Variants in AUTS2 observed in about 807,000 individuals in gnomAD.
AUTS2 encodes autism susceptibility gene 2 protein.
In AUTS2, 17 loss-of-function variants were observed where a neutral mutation model predicts 112.4. The ratio of observed to expected loss-of-function variants is 0.15; its 90% CI spans 0.10 to 0.23. The LOEUF is 0.23. Ranked by LOEUF, AUTS2 falls within the 10% of genes least tolerant of loss-of-function variation. The probability of loss-of-function intolerance (pLI) is 1.00; values close to 1 mark genes in which losing one functional copy is unlikely to be tolerated. For synonymous variants in AUTS2, 751 were observed against 702.7 expected, an observed-to-expected ratio of 1.07 and a Z score of -1.09; for missense variants, 1,510 against 1,701.6, an observed-to-expected ratio of 0.89 and a Z score of 1.98.
At chr7:69,749,527 A>G (rs577484341) in intron 1 of AUTS2, among the ~76,000 whole-genome samples, 2 of 152,190 alleles carry the variant, frequency 1.3e-5, no homozygotes, top group Admixed American at 1.3e-4. Flanking sequence ...CATGTGATTG[A>G]AATTCTTTGA....
At position 69,765,206 on chromosome 7, in the gene AUTS2, T is replaced by C. The variant is rs146540532; in HGVS notation, c.310-134080T>C. On this transcript the variant is annotated intron_variant, in intron 1 of 18. Transcript: ENST00000342771. ...CAACATAATTATTCCACTTCTTCTT[T>C]GGCACATAGCTCATGTTCTACTTAA... Among the ~76,000 whole-genome samples, 1,274 of 152,340 alleles carry C rather than the reference T, an allele frequency of 8.4e-3. 14 individuals are homozygous for C. Among genetic ancestry groups the C allele is most frequent in the Non-Finnish European group, 0.012 (799 of 68,032 alleles).
intron 4 of AUTS2, among the ~76,000 whole-genome samples, chr7:70,395,405 G>A (rs1419563527): frequency 3.9e-5 from 6 of 152,150 alleles, no homozygotes; most frequent in Admixed American, 3.3e-4. Flanking sequence ...ACCCAAATGT[G>A]TTTGTCTTCA....
intron 4 of AUTS2, among the ~76,000 whole-genome samples, chr7:70,333,656 G>A (rs189742627): frequency 9.2e-5 from 14 of 152,074 alleles, no homozygotes; most frequent in South Asian, 2.1e-4. Flanking sequence ...TGTCCTCTAC[G>A]GAGACATGGA....
At chr7:69,857,387 G>A (rs891235748) in intron 1 of AUTS2, among the ~76,000 whole-genome samples, 1 of 152,176 alleles carries the variant, frequency 6.6e-6, no homozygotes, top group African/African-American at 2.4e-5. Flanking sequence ...ACAAGGAGCC[G>A]TCTTTGCTGT....
chr7:70,113,130 A>G (rs1312942567), intron 2 of AUTS2, among the ~76,000 whole-genome samples: 1 of 152,154 alleles, frequency 6.6e-6, no homozygotes, highest in African/African-American at 2.4e-5. Flanking sequence ...CTTGTGTCCA[A>G]AATTTGTTAA....
chr7:70,534,197 G>T (rs1221586161), intron 5 of AUTS2, among the ~76,000 whole-genome samples: 1 of 152,154 alleles, frequency 6.6e-6, no homozygotes, highest in Non-Finnish European at 1.5e-5. Context: ...TCAAGCAGGG[G>T]CCTGGGTGAG....
rs530702974 is a variant in AUTS2 at position 69,642,414 on chromosome 7, G to A, written c.309+42452G>A. Among the ~76,000 whole-genome samples the A allele has an allele frequency of 2.0e-5, 3 of 152,250 alleles. No individual in the cohort carries two copies. In the South Asian group the frequency reaches 6.2e-4, roughly 32 times the overall value. On this transcript the variant is annotated intron_variant, in intron 1 of 18. Transcript: ENST00000342771. ...AATGAAGCACTGCAGATTCTTAACCGAAAATGGAATATTTGGTTTGACTTA... is the reference window on the plus strand; with the variant it reads ...AATGAAGCACTGCAGATTCTTAACCAAAAATGGAATATTTGGTTTGACTTA...
At chr7:70,244,560 T>G (rs1445360669) in intron 4 of AUTS2, among the ~76,000 whole-genome samples, 1 of 152,206 alleles carries the variant, frequency 6.6e-6, no homozygotes, top group Non-Finnish European at 1.5e-5. Context: ...GCTCTAGAGT[T>G]TCTCATCCCT....
At chr7:70,727,835 A>G (rs17142033) in intron 6 of AUTS2, among the ~76,000 whole-genome samples, 2,960 of 152,318 alleles carry the variant, frequency 0.019, 106 homozygotes, top group African/African-American at 0.068. Flanking sequence ...GTTAGTGACA[A>G]TGTGGAAATG....
At chr7:70,507,342 C>T (rs926204666) in intron 5 of AUTS2, among the ~76,000 whole-genome samples, 1 of 150,370 alleles carries the variant, frequency 6.7e-6, no homozygotes, top group Non-Finnish European at 1.5e-5. Context: ...AGTTTGAGGC[C>T]AGCCTAGGCA....
At chr7:70,608,374 G>A (rs1803894090) in intron 5 of AUTS2, among the ~76,000 whole-genome samples, 1 of 152,092 alleles carries the variant, frequency 6.6e-6, no homozygotes, top group African/African-American at 2.4e-5. Context: ...CAAAGTGCTG[G>A]GATTACAGGT....
At chr7:69,778,512 G>A (rs1439607943) in intron 1 of AUTS2, among the ~76,000 whole-genome samples, 1 of 152,076 alleles carries the variant, frequency 6.6e-6, no homozygotes, top group Non-Finnish European at 1.5e-5. Context: ...GTAATGTGCA[G>A]TAAGGTTTGG....
intron 4 of AUTS2, among the ~76,000 whole-genome samples, chr7:70,360,094 A>C (rs1247168728): frequency 6.6e-6 from 1 of 152,204 alleles, no homozygotes; most frequent in Non-Finnish European, 1.5e-5. Flanking sequence ...CTTTCAAAGA[A>C]TGCTAATATT....
At chr7:70,248,209 C>A (rs923771517) in intron 4 of AUTS2, among the ~76,000 whole-genome samples, 1 of 152,128 alleles carries the variant, frequency 6.6e-6, no homozygotes, top group African/African-American at 2.4e-5. Flanking sequence ...GGATTGGTAT[C>A]AAGATTCTCC....
chr7:70,712,852 T>G (rs1459891344), intron 6 of AUTS2, among the ~76,000 whole-genome samples: 4 of 152,208 alleles, frequency 2.6e-5, no homozygotes, highest in African/African-American at 9.6e-5. Flanking sequence ...TGTCACGATC[T>G]CAGCTCACTG....
At chr7:70,403,355 G>A (rs998461088) in intron 4 of AUTS2, among the ~76,000 whole-genome samples, 11 of 152,242 alleles carry the variant, frequency 7.2e-5, no homozygotes, top group African/African-American at 2.7e-4. Flanking sequence ...GGCTTGGCCA[G>A]GGGCCCCCAC....
intron 17 of AUTS2, chr7:70,786,976 C>T (rs1483903583): frequency 1.6e-6 from 1 of 615,094 alleles, no homozygotes; most frequent in African/African-American, 1.9e-5. Context: ...CTTCCCCTGT[C>T]CCCACCTTTG....
At chr7:69,614,367 T>TCTTTCTTTCTTTCCTTTC (rs57602451) in intron 1 of AUTS2, among the ~76,000 whole-genome samples, 1 of 90,184 alleles carries the variant, frequency 1.1e-5, no homozygotes, top group Admixed American at 1.2e-4. Flanking sequence ...TTTCTTTCTT[T>TCTTTCTTTCTTTCCTTTC]TTTTAAGAGA....
intron 4 of AUTS2, among the ~76,000 whole-genome samples, chr7:70,191,161 CTTTTTTT>C (rs34637651): frequency 3.4e-4 from 29 of 86,410 alleles, no homozygotes; most frequent in South Asian, 1.8e-3. Context: ...CCACTTATTT[CTTTTTTT>C]TTTTTTTTTT....
Sources: allele counts gnomAD v4.1 joint callset (sites outside exome capture counted in the v4.1 genomes callset), GRCh38; gene constraint gnomAD v4.1.1; transcripts MANE v1.5; gene names NCBI Gene and HGNC (gene_info 2026-07-23, HGNC 2026-07-21).